The following POTEH variants were observed in gnomAD, a reference collection of about 807,000 sequenced individuals.
The protein encoded by POTEH is ANKRD26-like family C member 3.
A neutral mutation model predicts 41.7 loss-of-function variants in POTEH; 6 were observed. The observed-to-expected ratio is 0.14, with a 90% CI of 0.08 to 0.28. The LOEUF (loss-of-function observed/expected upper bound fraction) is 0.28. Among genes scored for constraint, POTEH ranks in the 10% least tolerant of loss-of-function variants. The pLI is 1.00. For missense variants in POTEH, 115 were observed against 533.5 expected (o/e 0.22, Z 7.73); for synonymous variants, 38 against 179.9 (o/e 0.21, Z 6.31).
At chr22:15,691,913 T>G (rs1172597750) in intron 1 of POTEH, among the ~76,000 whole-genome samples, 3 of 146,564 alleles carry the variant, frequency 2.0e-5, no homozygotes, top group Admixed American at 7.0e-5. Flanking sequence ...GAGTATAGAT[T>G]AAAAATTTTA....
intron 1 of POTEH, among the ~76,000 whole-genome samples, chr22:15,691,979 C>CAG (rs1240239653): frequency 1.0e-4 from 9 of 90,226 alleles, no homozygotes; most frequent in African/African-American, 3.6e-4. Context: ...TTTACATATG[C>CAG]AGATACATAT....
At chr22:15,692,580 C>G (rs558317491) in intron 1 of POTEH, among the ~76,000 whole-genome samples, 1 of 113,366 alleles carries the variant, frequency 8.8e-6, no homozygotes, top group African/African-American at 3.2e-5. Flanking sequence ...GTGGTGAAAT[C>G]CTATCTCTAC....
chr22:15,710,500 CT>C (rs1989789658), intron 8 of POTEH, among the ~76,000 whole-genome samples: 2 of 152,264 alleles, frequency 1.3e-5, no homozygotes, highest in South Asian at 4.1e-4. Context: ...CATTTTGCAT[CT>C]TTGTCTTTTT....
rs1360322311 is a variant in POTEH, at chr22:15,719,748, CAGAT to C, written c.1613_1616del (p.Ile538LysfsTer?). 17 of 523,042 alleles carry C rather than the reference CAGAT, an allele frequency of 3.3e-5. No individual in the cohort carries two copies. The highest frequency in any genetic ancestry group is 1.3e-4 in the South Asian group (5 of 39,280). The allele number at this position is 523,042 out of a possible 1,614,324, so 32.4% of individuals were successfully genotyped here. ...TGAGATTCTGATTCATGAAGAAAAG[CAGAT>C]AGAAGTGGCTGAAAATGAATTCTGA... On this transcript the variant is annotated frameshift_variant, in exon 10 of 11. Coordinates refer to ENST00000343518, the MANE Select transcript of POTEH (RefSeq NM_001136213.1). LOFTEE classifies it high-confidence loss of function.
intron 1 of POTEH, among the ~76,000 whole-genome samples, chr22:15,691,160 A>C (rs533668262): frequency 7.3e-5 from 10 of 137,674 alleles, no homozygotes; most frequent in African/African-American, 2.3e-4. Flanking sequence ...TTTACTGAGT[A>C]ATCTTAGAAG....
rs536004853 is a variant in POTEH at position 15,691,324 on chromosome 22, C to T, written c.632+615C>T. Among the ~76,000 whole-genome samples the T allele has an allele frequency of 8.5e-3, 1,110 of 130,728 alleles. 2 individuals are homozygous for T. Among genetic ancestry groups the T allele is most frequent in the Non-Finnish European group, 0.011 (648 of 56,830 alleles). The allele number at this position is 130,728 out of a possible 152,430, so 85.8% of individuals were successfully genotyped here. A position where few individuals can be genotyped will look rare whatever the true frequency, so the allele number is the denominator to read the frequency against. On this transcript the variant is annotated intron_variant, in intron 1 of 10. Transcript: ENST00000343518. ...AGATCATGGGGTCAGGAGATCGAGA[C>T]CATCCTTGCTAACACGGTGAAACCC...
intron 9 of POTEH, among the ~76,000 whole-genome samples, chr22:15,714,110 C>G (rs1379846821): frequency 1.3e-5 from 2 of 151,392 alleles, no homozygotes; most frequent in Admixed American, 6.6e-5. Flanking sequence ...TCATCTTTCT[C>G]TCTCTCTTGA....
rs1440108038 is a variant in POTEH, at chr22:15,693,079, G to A, written c.633-2292G>A. ...TAACTATTGAGGGTGTCAGTACATAGAGATATGTCGACATGCAAAGATGTA... is the reference window on the plus strand; with the variant it reads ...TAACTATTGAGGGTGTCAGTACATAAAGATATGTCGACATGCAAAGATGTA... On this transcript the variant is annotated intron_variant, in intron 1 of 10. Coordinates refer to ENST00000343518, the MANE Select transcript of POTEH (RefSeq NM_001136213.1). Among the ~76,000 whole-genome samples, 22 of 126,996 alleles carry A rather than the reference G, an allele frequency of 1.7e-4. 3 individuals are homozygous for A. Among genetic ancestry groups the A allele is most frequent in the Non-Finnish European group, 3.2e-4 (18 of 55,388 alleles). 83.3% of individuals were successfully genotyped at this position (126,996 alleles called of 152,430 possible).
intron 6 of POTEH, among the ~76,000 whole-genome samples, chr22:15,705,323 A>T (rs1601499441): frequency 1.5e-5 from 1 of 67,784 alleles, no homozygotes; most frequent in Non-Finnish European, 2.8e-5. Flanking sequence ...TAAAGTTAGG[A>T]ATCTCAATTA....
intron 9 of POTEH, among the ~76,000 whole-genome samples, chr22:15,713,263 A>C (rs1327583424): frequency 1.3e-5 from 2 of 152,294 alleles, no homozygotes; most frequent in African/African-American, 4.8e-5. Flanking sequence ...TCTGTAAATA[A>C]ATCTATGCAT....
At chr22:15,691,615 C>A (rs1989313752) in intron 1 of POTEH, among the ~76,000 whole-genome samples, 1 of 143,702 alleles carries the variant, frequency 7.0e-6, no homozygotes, top group African/African-American at 2.5e-5. Context: ...TTTTAAATTA[C>A]ACATGCTGTC....
intron 9 of POTEH, among the ~76,000 whole-genome samples, chr22:15,713,489 C>G (rs1180087386): frequency 1.3e-4 from 20 of 152,130 alleles, no homozygotes; most frequent in African/African-American, 4.6e-4. Flanking sequence ...AGTCCTCAAT[C>G]TTCTTTCTCA....
chr22:15,710,312 C>T (rs537511637), intron 8 of POTEH, among the ~76,000 whole-genome samples: 6 of 152,330 alleles, frequency 3.9e-5, no homozygotes, highest in Non-Finnish European at 7.3e-5. Context: ...TGAGCACCTT[C>T]GTGTTTTTGA....
chr22:15,712,865 C>T (rs1273962675), intron 9 of POTEH, among the ~76,000 whole-genome samples: 1 of 147,738 alleles, frequency 6.8e-6, no homozygotes, highest in Non-Finnish European at 1.5e-5. Flanking sequence ...ATTTCTTGGT[C>T]TTTATGTATA....
At chr22:15,690,755 G>T (rs1365819257) in intron 1 of POTEH, 46 bp downstream of exon 1, 1 of 1,394,690 alleles carries the variant, frequency 7.2e-7, no homozygotes, top group South Asian at 1.2e-5. Flanking sequence ...GGAGGATGAT[G>T]GGGACATACC....
At chr22:15,711,326 G>C (rs1488372465) in intron 9 of POTEH, among the ~76,000 whole-genome samples, 3 of 152,102 alleles carry the variant, frequency 2.0e-5, no homozygotes, top group Admixed American at 2.0e-4. Flanking sequence ...ATGGAGGTTT[G>C]GGTACAGATT....
At chr22:15,714,114 C>T (rs1989880935) in intron 9 of POTEH, among the ~76,000 whole-genome samples, 1 of 151,216 alleles carries the variant, frequency 6.6e-6, no homozygotes, top group Non-Finnish European at 1.5e-5. Flanking sequence ...CTTTCTCTCT[C>T]TCTTGACACT....
At chr22:15,717,201 A>T (rs898409303) in intron 9 of POTEH, among the ~76,000 whole-genome samples, 2 of 91,600 alleles carry the variant, frequency 2.2e-5, no homozygotes, top group Non-Finnish European at 4.8e-5. Flanking sequence ...TCATCAGTTC[A>T]TGGACACTGG....
At chr22:15,703,624 A>G (rs919394376) in intron 6 of POTEH, among the ~76,000 whole-genome samples, 2 of 148,094 alleles carry the variant, frequency 1.4e-5, no homozygotes, top group African/African-American at 5.0e-5. Flanking sequence ...GCAGATTATC[A>G]TAAAAGTAGA....
Sources: gnomAD v4.1 joint callset for allele counts (sites outside exome capture counted in the v4.1 genomes callset) on GRCh38, gnomAD v4.1.1 for gene constraint, MANE v1.5 for transcripts, NCBI Gene and HGNC (gene_info 2026-07-23, HGNC 2026-07-21) for gene names.